The following ERICH1 variants were observed in gnomAD, a reference collection of about 807,000 sequenced individuals.
ERICH1 encodes glutamate rich 1, also known as glutamate-rich protein 1.
In ERICH1, 56 loss-of-function variants were observed where a neutral mutation model predicts 39.6. The ratio of observed to expected loss-of-function variants is 1.41; its 90% CI spans 1.14 to 1.77. The LOEUF (loss-of-function observed/expected upper bound fraction) is 1.77, where lower values mean the gene tolerates loss of function less well. Among genes scored for constraint, ERICH1 ranks in the 40% most tolerant of loss-of-function variants. The pLI, the probability that ERICH1 is intolerant of heterozygous loss-of-function variation, is 0.00. For missense variants in ERICH1, 826 were observed against 575.4 expected, an observed-to-expected ratio of 1.44 and a Z score of -4.45; for synonymous variants, 313 against 223.6, an observed-to-expected ratio of 1.40 and a Z score of -3.57.
At chr8:722,454 A>T (rs1271023161) in intron 1 of ERICH1, among the ~76,000 whole-genome samples, 2 of 152,240 alleles carry the variant, frequency 1.3e-5, no homozygotes, top group Admixed American at 6.5e-5. Flanking sequence ...TATTTCAAAT[A>T]AAAGACACAG....
chr8:692,635 C>G, intron 2 of ERICH1, 23 bp from the exon 3 acceptor site: 1 of 1,556,322 alleles, frequency 6.4e-7, no homozygotes. Context: ...AGGAAAATAA[C>G]AGGAACTGGT....
intron 1 of ERICH1, among the ~76,000 whole-genome samples, chr8:722,466 C>T (rs904415611): frequency 3.3e-5 from 5 of 152,158 alleles, no homozygotes; most frequent in African/African-American, 1.2e-4. Context: ...AAGACACAGC[C>T]AAATACCAAT....
At chr8:677,857 A>C (rs1406633706) in intron 3 of ERICH1, among the ~76,000 whole-genome samples, 1 of 152,030 alleles carries the variant, frequency 6.6e-6, no homozygotes, top group Non-Finnish European at 1.5e-5. Context: ...ACACTGCGGA[A>C]TGCTGCTCAT....
rs1371268962 is a variant in ERICH1, at chr8:671,723, G to A, written c.1063+1566C>T. The A allele has an allele frequency of 1.4e-4, 19 of 139,752 alleles. 1 individual carries two copies. The highest frequency in any genetic ancestry group is 4.4e-4 in the African/African-American group (15 of 34,376). The allele number at this position is 139,752 out of a possible 1,614,324, so 8.7% of individuals were successfully genotyped here. On this transcript the variant is annotated intron_variant, in intron 4 of 5. Coordinates refer to ENST00000262109, the MANE Select transcript of ERICH1 (RefSeq NM_207332.3). ...CTGCGACCTCTGAACCTGCCGCCCC[G>A]GCTCTAATGTCTGCGCTCACTGGGC...
chr8:629,060 C>G (rs1471961604), intron 3 of ERICH1, among the ~76,000 whole-genome samples: 1 of 152,162 alleles, frequency 6.6e-6, no homozygotes, highest in East Asian at 1.9e-4. Context: ...GGACTACAGG[C>G]CAGGTCAGGA....
intron 2 of ERICH1, among the ~76,000 whole-genome samples, chr8:712,245 T>G (rs1235179462): frequency 6.6e-6 from 1 of 152,216 alleles, no homozygotes; most frequent in East Asian, 1.9e-4. Context: ...GAAGAATGAG[T>G]ATCTCTATAA....
chr8:628,871 G>A lies in ERICH1; in HGVS notation c.977-13587C>T, dbSNP rs943678158. ...CCCCCTCTCCCAGCTCCCCTGCTGT[G>A]TGCCCTCCTGCAAGCCCTTCCGCTC... On this transcript the variant is annotated intron_variant, in intron 3 of 3. Coordinates refer to the ERICH1 transcript ENST00000522706. Among the ~76,000 whole-genome samples the A allele has an allele frequency of 3.4e-4, 52 of 152,230 alleles. 1 individual carries two copies. The highest frequency in any genetic ancestry group is 1.8e-4 in the Non-Finnish European group (12 of 68,022).
chr8:623,403 T>C (rs965797565), intron 3 of ERICH1, among the ~76,000 whole-genome samples: 1 of 152,194 alleles, frequency 6.6e-6, no homozygotes, highest in African/African-American at 2.4e-5. Flanking sequence ...GCCTGATGCT[T>C]ATGTTTATGG....
At chr8:725,001 G>C (rs1818251479) in intron 1 of ERICH1, among the ~76,000 whole-genome samples, 1 of 152,172 alleles carries the variant, frequency 6.6e-6, no homozygotes, top group Non-Finnish European at 1.5e-5. Flanking sequence ...GGGTGCTGTG[G>C]TTTCTCGTCC....
chr8:703,728 A>C (rs909952447), intron 2 of ERICH1, among the ~76,000 whole-genome samples: 2 of 152,182 alleles, frequency 1.3e-5, no homozygotes, highest in Admixed American at 1.3e-4. Context: ...AATTTGAGAA[A>C]ATCTCCCAGA....
At chr8:695,567 T>A (rs1303266868) in intron 2 of ERICH1, among the ~76,000 whole-genome samples, 7 of 94,952 alleles carry the variant, frequency 7.4e-5, no homozygotes, top group South Asian at 5.9e-4. Flanking sequence ...TTCCTCCCCA[T>A]CAGCCTGCGC....
intron 2 of ERICH1, among the ~76,000 whole-genome samples, chr8:699,535 G>A (rs903193672): frequency 2.6e-5 from 4 of 152,184 alleles, no homozygotes; most frequent in Non-Finnish European, 5.9e-5. Flanking sequence ...CCCTCAGGGT[G>A]ACGGCGACTC....
At chr8:662,095 G>A (rs1345600351), downstream of ERICH1, among the ~76,000 whole-genome samples, 2 of 152,066 alleles carry the variant, frequency 1.3e-5, no homozygotes, top group African/African-American at 4.8e-5. Flanking sequence ...GGATTCTGTG[G>A]AACCTACAGG....
intron 3 of ERICH1, chr8:641,312 AAAAAG>A (rs1798952149): frequency 6.6e-6 from 1 of 152,236 alleles, no homozygotes; most frequent in Non-Finnish European, 1.5e-5. Flanking sequence ...TTCATACTTT[AAAAAG>A]AAATCAGCCA....
chr8:690,362 G>A (rs1404204403), intron 3 of ERICH1, among the ~76,000 whole-genome samples: 4 of 152,250 alleles, frequency 2.6e-5, no homozygotes, highest in Admixed American at 2.6e-4. Flanking sequence ...AGGTCTGCCT[G>A]TCTTCATAAA....
intron 3 of ERICH1, among the ~76,000 whole-genome samples, chr8:652,820 A>G (rs1800143527): frequency 1.3e-5 from 2 of 152,238 alleles, no homozygotes; most frequent in Admixed American, 6.5e-5. Flanking sequence ...CTAAGAAGAT[A>G]GACAAAGGTC....
rs1390261643 is a variant in ERICH1 at position 731,137 on chromosome 8, T to G, written c.22+3A>C. ...GGCAGGCCTCCGCACCGCACCCACC[T>G]ACCGTGCTTCCTGTGCGCCGCCATG... is the stretch of plus-strand genomic sequence containing the variant. On this transcript the variant is annotated splice_donor_region_variant and intron_variant, in intron 1 of 5. Coordinates refer to ENST00000262109, the MANE Select transcript of ERICH1 (RefSeq NM_207332.3). The G allele has an allele frequency of 3.9e-6, 6 of 1,523,550 alleles. No individual in the cohort carries two copies. The highest frequency in any genetic ancestry group is 4.4e-6 in the Non-Finnish European group (5 of 1,138,206). 94.4% of individuals were successfully genotyped at this position (1,523,550 alleles called of 1,614,324 possible). A position where few individuals can be genotyped will look rare whatever the true frequency, so the allele number is the denominator to read the frequency against.
chr8:723,057 G>A (rs745904566), intron 1 of ERICH1, among the ~76,000 whole-genome samples: 6 of 152,246 alleles, frequency 3.9e-5, no homozygotes, highest in Admixed American at 6.5e-5. Flanking sequence ...GGCAGATCCC[G>A]TGGGAATGGC....
downstream of ERICH1, among the ~76,000 whole-genome samples, chr8:663,219 G>T (rs1801693817): frequency 6.6e-6 from 1 of 152,230 alleles, no homozygotes. Context: ...GGCAGGACAG[G>T]GGCCGGCGGG....
Sources: gnomAD v4.1 joint callset for allele counts (sites outside exome capture counted in the v4.1 genomes callset) on GRCh38, gnomAD v4.1.1 for gene constraint, MANE v1.5 for transcripts, NCBI Gene and HGNC (gene_info 2026-07-23, HGNC 2026-07-21) for gene names.